The following PCDHA2 variants were observed in gnomAD, a reference collection of about 807,000 sequenced individuals.
PCDHA2 encodes the protein protocadherin alpha 2.
A neutral mutation model predicts 66.0 loss-of-function variants in PCDHA2; 58 were observed. The observed-to-expected ratio is 0.88, with a 90% CI of 0.71 to 1.09. The LOEUF (loss-of-function observed/expected upper bound fraction) is 1.09. Ranked by LOEUF, PCDHA2 falls within the 50% of genes least tolerant of loss-of-function variation. The probability of loss-of-function intolerance (pLI) is 0.00; values close to 1 mark genes in which losing one functional copy is unlikely to be tolerated. For missense variants in PCDHA2, 1,267 were observed against 1,242.3 expected, an observed-to-expected ratio of 1.02 and a Z score of -0.30; for synonymous variants, 634 against 554.0, an observed-to-expected ratio of 1.14 and a Z score of -2.03.
intron 1 of PCDHA2, chr5:140,809,361 C>T (rs782686583): frequency 6.2e-7 from 1 of 1,613,904 alleles, no homozygotes; most frequent in East Asian, 2.2e-5. Flanking sequence ...CGGTGCTCTG[C>T]GCTGCCCACC....
rs138889909 is a variant in PCDHA2, at chr5:140,830,388, A to G, written c.2388+33036A>G. 2.8e-4 allele frequency: 444 copies of G among 1,614,182 alleles called. 2 individuals are homozygous for G. The highest frequency in any genetic ancestry group is 1.8e-3 in the Middle Eastern group (11 of 6,062). ...GTGTGCTCCGGGGAGGGCCCACCCA[A>G]GATGGATCTCATGGCCTTTAGCCCC... On this transcript the variant is annotated intron_variant, in intron 1 of 3. Coordinates refer to ENST00000526136, the MANE Select transcript of PCDHA2 (RefSeq NM_018905.3).
intron 1 of PCDHA2, chr5:140,862,740 G>T (rs1302893031): frequency 8.7e-6 from 5 of 577,654 alleles, no homozygotes; most frequent in Non-Finnish European, 1.7e-5. Flanking sequence ...GCTATGTGTG[G>T]GTGCACGCGG....
chr5:140,835,505 GT>G, intron 1 of PCDHA2: 1 of 1,613,954 alleles, frequency 6.2e-7, no homozygotes, highest in Non-Finnish European at 8.5e-7. Flanking sequence ...TGATTAGCGT[GT>G]TTGACCGAGA....
chr5:140,803,077 A>G lies in PCDHA2; in HGVS notation c.2388+5725A>G, dbSNP rs782345607. ...CGCATCCCGTTTCGCGTGGGGCTGT[A>G]CACGGGAGAGATCAGCACGACCCGT... is the stretch of plus-strand genomic sequence containing the variant. On this transcript the variant is annotated intron_variant, in intron 1 of 3. Transcript: ENST00000526136. 3 of 1,613,934 alleles carry G rather than the reference A, an allele frequency of 1.9e-6. No individual in the cohort carries two copies. In the Admixed American group the frequency reaches 5.0e-5, roughly 27 times the overall value.
intron 1 of PCDHA2, among the ~76,000 whole-genome samples, chr5:140,941,595 A>T (rs1273931279): frequency 6.6e-6 from 1 of 152,016 alleles, no homozygotes; most frequent in African/African-American, 2.4e-5. Context: ...GATTACAGCC[A>T]TGAGCCATGG....
intron 1 of PCDHA2, chr5:140,829,783 G>C: frequency 1.9e-6 from 3 of 1,613,808 alleles, no homozygotes; most frequent in African/African-American, 1.3e-5. Context: ...ACGCGCCGGC[G>C]CTGCTGGCGC....
chr5:140,862,614 C>G, intron 1 of PCDHA2: 1 of 523,252 alleles, frequency 1.9e-6, no homozygotes, highest in Non-Finnish European at 3.9e-6. Flanking sequence ...TGAAAGGTAA[C>G]AACCCGCGGG....
intron 1 of PCDHA2, chr5:140,824,550 C>G (rs1768160543): frequency 1.1e-5 from 2 of 175,504 alleles, no homozygotes; most frequent in Non-Finnish European, 2.4e-5. Context: ...CTCCTGGGCT[C>G]AAGTGATCCT....
intron 1 of PCDHA2, chr5:140,967,347 A>G: frequency 6.2e-7 from 1 of 1,608,324 alleles, no homozygotes; most frequent in South Asian, 1.1e-5. Flanking sequence ...GAGCACTTCG[A>G]GCTGGACCTT....
In PCDHA2 at chr5:140,827,543, G is replaced by A. The variant is rs2150148140; in HGVS notation, c.2388+30191G>A. The stretch of plus-strand genomic sequence containing the variant: ...TTCAACCAAAATTTGATAATTTTAA[G>A]TTACATTTTTTCCCTAGAGCACTAT... On this transcript the variant is annotated intron_variant, in intron 1 of 3. Coordinates refer to ENST00000526136, the MANE Select transcript of PCDHA2 (RefSeq NM_018905.3). 6.6e-5 allele frequency among the ~76,000 whole-genome samples: 9 copies of A among 136,154 alleles called. No homozygotes were observed. The South Asian group carries it at 1.9e-3, about 28-fold the overall frequency. The allele number at this position is 136,154 out of a possible 152,430, so 89.3% of individuals were successfully genotyped here.
At chr5:140,843,143 T>A in intron 1 of PCDHA2, 1 of 1,595,956 alleles carries the variant, frequency 6.3e-7, no homozygotes, top group Non-Finnish European at 8.6e-7. Context: ...CGCGTGGCTT[T>A]CGTATGAGCT....
At position 140,946,611 on chromosome 5, in the gene PCDHA2, A is replaced by AATATATATATATATATATATATATAT. The variant is rs1554217734; in HGVS notation, c.2389-32317_2389-32316insTATATATATATATATATATATATATA. Among the ~76,000 whole-genome samples, 847 of 86,186 alleles carry AATATATATATATATATATATATATAT rather than the reference A, an allele frequency of 9.8e-3. 28 individuals carry two copies. The highest frequency in any genetic ancestry group is 0.012 in the Non-Finnish European group (550 of 46,284). The allele number at this position is 86,186 out of a possible 152,430, so 56.5% of individuals were successfully genotyped here. ...GGATGAATAGATAAAGAAAATGTGA[A>AATATATATATATATATATATATATAT]ATATATATATATATATATATACAAT... On this transcript the variant is annotated intron_variant, in intron 1 of 3. Coordinates refer to ENST00000526136, the MANE Select transcript of PCDHA2 (RefSeq NM_018905.3).
chr5:140,851,631 T>C, intron 1 of PCDHA2: 1 of 919,266 alleles, frequency 1.1e-6, no homozygotes. Flanking sequence ...TTTAAACAAG[T>C]GTTTCCTTTC....
At position 140,877,853 on chromosome 5, in the gene PCDHA2, A is replaced by G. The variant is rs1299590962; in HGVS notation, c.2388+80501A>G. On this transcript the variant is annotated intron_variant, in intron 1 of 3. Transcript: ENST00000526136. ...CCTCCCAGTGAAGTAAGTTATTAAT[A>G]TTATTTAGATATATTTGTTTCCTTG... 2.0e-6 allele frequency: 3 copies of G among 1,535,406 alleles called. No homozygotes were observed. The East Asian group carries it at 7.1e-5, about 36-fold the overall frequency.
At chr5:140,841,678 G>T (rs1451404263) in intron 1 of PCDHA2, 5 of 1,613,862 alleles carry the variant, frequency 3.1e-6, no homozygotes, top group Middle Eastern at 1.6e-4. Flanking sequence ...TTTTCCATGT[G>T]GACGTGGAGG....
In PCDHA2 at chr5:141,005,148, G is replaced by T. The variant is rs528805353; in HGVS notation, c.2537-4479G>T. The stretch of plus-strand genomic sequence containing the variant: ...AAGTGCCTCATTGGAGAGTTGTTTG[G>T]TCTGCTAAAGAGTGGGTACCACTTT... On this transcript the variant is annotated intron_variant, in intron 3 of 3. Transcript: ENST00000526136. 3.3e-5 allele frequency among the ~76,000 whole-genome samples: 5 copies of T among 152,328 alleles called. No individual in the cohort carries two copies. The South Asian group carries it at 1.0e-3, about 32-fold the overall frequency.
chr5:140,805,986 T>C (rs913758616), intron 1 of PCDHA2, among the ~76,000 whole-genome samples: 5 of 152,158 alleles, frequency 3.3e-5, no homozygotes, highest in Non-Finnish European at 7.4e-5. Context: ...AAAATATATA[T>C]TCCAAAAAAG....
intron 1 of PCDHA2, chr5:140,801,937 A>G (rs1554121775): frequency 2.5e-6 from 4 of 1,614,206 alleles, no homozygotes; most frequent in East Asian, 4.5e-5. Context: ...AGGACGATCT[A>G]TAAAGTCAGA....
At chr5:140,870,339 G>C in intron 1 of PCDHA2, 1 of 1,614,182 alleles carries the variant, frequency 6.2e-7, no homozygotes, top group Non-Finnish European at 8.5e-7. Flanking sequence ...ACAGCGCCCT[G>C]GACCGCGAGA....
Sources: allele counts gnomAD v4.1 joint callset (sites outside exome capture counted in the v4.1 genomes callset), GRCh38; gene constraint gnomAD v4.1.1; transcripts MANE v1.5; gene names NCBI Gene and HGNC (gene_info 2026-07-23, HGNC 2026-07-21).